Variants in ZNF93 observed in about 807,000 individuals in gnomAD.
ZNF93 encodes the protein zinc finger protein 93.
Under a neutral mutation model 45.0 loss-of-function variants are expected in ZNF93, and 29 were observed. That is an observed-to-expected ratio of 0.64 (90% CI 0.48 to 0.88). The LOEUF is 0.88. ZNF93 is among the 40% of genes least tolerant of loss of function. The pLI, the probability that ZNF93 is intolerant of heterozygous loss-of-function variation, is 0.00. For missense variants in ZNF93, 578 were observed against 724.0 expected, an observed-to-expected ratio of 0.80 and a Z score of 2.31; for synonymous variants, 223 against 244.6, an observed-to-expected ratio of 0.91 and a Z score of 0.82.
chr19:19,933,554 C>T lies in ZNF93; in HGVS notation c.599C>T (p.Pro200Leu). The stretch of plus-strand genomic sequence containing the variant: ...AAGAAAATTCATACTGGAGAGAAAC[C>T]CTACATTTGTGAAGAATGTGGCAAA... ...THKKIHTGEK[P>L]YICEECGKAF... is the part of the protein sequence containing the mutation. The change falls in exon 4 of 4, where the codon CCC (proline) becomes CTC (leucine). Residue 200 changes from proline to leucine, a missense_variant. Transcript: ENST00000343769. 1 of 1,607,916 alleles carries T rather than the reference C, an allele frequency of 6.2e-7. No individual in the cohort carries two copies. Among genetic ancestry groups the T allele is most frequent in the African/African-American group, 1.3e-5 (1 of 74,704 alleles).
intron 3 of ZNF93, among the ~76,000 whole-genome samples, chr19:19,918,080 C>T (rs1478668122): frequency 6.6e-6 from 1 of 151,922 alleles, no homozygotes; most frequent in Non-Finnish European, 1.5e-5. Flanking sequence ...AGGTGTATCT[C>T]CTAATGCTAT....
Position 19,934,969 on chromosome 19 carries a change from AT to A in ZNF93, c.*154del. ...TTCGGAGACCTGGAGGAAGTGGCCC[AT>A]TTACAGCCATGTAGGCAGGCCTGCA... On this transcript the variant is annotated 3_prime_UTR_variant, in exon 4 of 4. Transcript: ENST00000343769. The A allele has an allele frequency of 1.2e-6, 1 of 816,444 alleles. No homozygotes were observed. The highest frequency in any genetic ancestry group is 1.9e-6 in the Non-Finnish European group (1 of 538,672). The allele number at this position is 816,444 out of a possible 1,614,324, so 50.6% of individuals were successfully genotyped here.
intron 1 of ZNF93, among the ~76,000 whole-genome samples, chr19:19,902,077 G>C (rs2122156453): frequency 6.6e-6 from 1 of 152,046 alleles, no homozygotes; most frequent in South Asian, 2.1e-4. Context: ...GACAAAGTGA[G>C]ACTCCGTCTT....
intron 1 of ZNF93, 131 bp from the exon 2 acceptor site, chr19:19,915,149 T>A (rs1278170054): frequency 1.3e-6 from 2 of 1,514,640 alleles, no homozygotes; most frequent in Non-Finnish European, 1.8e-6. Context: ...TGTTGAAGAT[T>A]ATTTTATTGG....
At chr19:19,901,177 C>T (rs77506572) in intron 1 of ZNF93, 86 bp downstream of exon 1, 26,386 of 1,589,154 alleles carry the variant, frequency 0.017, 251 homozygotes, top group Non-Finnish European at 0.02. Flanking sequence ...CTCAGGTATC[C>T]CCTTAGTCAG....
chr19:19,934,667 G>C lies in ZNF93; in HGVS notation c.1712G>C (p.Gly571Ala). The C allele has an allele frequency of 6.2e-7, 1 of 1,613,630 alleles. No individual in the cohort carries two copies. Among genetic ancestry groups the C allele is most frequent in the Non-Finnish European group, 8.5e-7 (1 of 1,179,774 alleles). Reference sequence around the variant, plus strand: ...AAACCTTATAGATGTAGAGAATGTGGCAAAGCTTTTAACCATTCTGCAACC... The same window carrying C: ...AAACCTTATAGATGTAGAGAATGTGCCAAAGCTTTTAACCATTCTGCAACC... ...GEKPYRCRECGKAFNHSATLS... is the reference protein window; with the variant it reads ...GEKPYRCRECAKAFNHSATLS... Residue 571 changes from glycine to alanine, a missense_variant, in exon 4 of 4, where the codon GGC becomes GCC. By Grantham distance (60) the Gly-to-Ala change is moderately conservative. Around this residue, in one of 3 missense-constraint regions of ZNF93, gnomAD observed 119 missense variants for 123.1 expected, o/e 0.97. Coordinates refer to ENST00000343769, the MANE Select transcript of ZNF93 (RefSeq NM_031218.4).
intron 1 of ZNF93, chr19:19,908,846 A>AAAAAG: frequency 9.6e-6 from 1 of 104,268 alleles, no homozygotes; most frequent in East Asian, 2.8e-4. Context: ...TCCGTCTCAA[A>AAAAAG]AAAAAAAAAA....
chr19:19,910,478 A>G (rs1054741253), intron 1 of ZNF93, among the ~76,000 whole-genome samples: 2 of 152,172 alleles, frequency 1.3e-5, no homozygotes, highest in Admixed American at 1.3e-4. Flanking sequence ...AATTTCTGAC[A>G]ATCAACTTTG....
chr19:19,918,607 G>A (rs2122178975), intron 3 of ZNF93, among the ~76,000 whole-genome samples: 1 of 152,224 alleles, frequency 6.6e-6, no homozygotes, highest in African/African-American at 2.4e-5. Context: ...ATCCTCTCCA[G>A]CACCTGTTGT....
chr19:19,934,702 C>A lies in ZNF93; in HGVS notation c.1747C>A (p.His583Asn). The A allele has an allele frequency of 6.2e-7, 1 of 1,613,610 alleles. No homozygotes were observed. The highest frequency in any genetic ancestry group is 8.5e-7 in the Non-Finnish European group (1 of 1,179,754). ...TAACCATTCTGCAACCCTTTCTTCA[C>A]ATAAGAAAATCCATTCTGGAGAGAA... ...AFNHSATLSS[H>N]KKIHSGEKPY... is the part of the protein sequence containing the mutation. The change falls in exon 4 of 4, where the codon CAT (histidine) becomes AAT (asparagine). Residue 583 changes from histidine (H) to asparagine (N), a missense_variant. His to Asn is a moderately conservative substitution (Grantham distance 68, BLOSUM62 1). Coordinates refer to ENST00000343769, the MANE Select transcript of ZNF93 (RefSeq NM_031218.4).
intron 1 of ZNF93, among the ~76,000 whole-genome samples, chr19:19,901,697 G>C (rs1301955708): frequency 1.3e-5 from 2 of 152,002 alleles, no homozygotes; most frequent in African/African-American, 4.8e-5. Flanking sequence ...ACCCTATATG[G>C]AAAAAGTTTG....
chr19:19,934,158 ATG>A lies in ZNF93; in HGVS notation c.1206_1207del (p.Cys402TrpfsTer5). 1 of 1,611,696 alleles carries A rather than the reference ATG, an allele frequency of 6.2e-7. No individual in the cohort carries two copies. The highest frequency in any genetic ancestry group is 2.3e-5 in the East Asian group (1 of 44,400). ...TGEKPYKCEE[C>X]GKAFKYSSTL... ...GAGAGAAGCCCTACAAATGTGAAGA[ATG>A]TGGCAAAGCCTTTAAGTACTCCTCT... On this transcript the variant is annotated frameshift_variant, in exon 4 of 4. Transcript: ENST00000343769. LOFTEE classifies it high-confidence loss of function.
At chr19:19,909,561 A>G (rs982023133) in intron 1 of ZNF93, 1 of 152,208 alleles carries the variant, frequency 6.6e-6, no homozygotes, top group Non-Finnish European at 1.5e-5. Context: ...CTACTTGTGG[A>G]CTAATTATGA....
intron 1 of ZNF93, among the ~76,000 whole-genome samples, chr19:19,913,933 C>T (rs1045393156): frequency 6.6e-6 from 1 of 152,172 alleles, no homozygotes; most frequent in Non-Finnish European, 1.5e-5. Flanking sequence ...TACTTCTCTA[C>T]TTTTGTTTTT....
Position 19,933,833 on chromosome 19 carries a change from C to T in ZNF93, c.878C>T (p.Ala293Val). ...KPYKCEECGK[A>V]FNQSSTLTKH... ...TACAAATGTGAAGAATGTGGCAAAG[C>T]TTTTAACCAATCCTCAACACTTACT... The change falls in exon 4 of 4, where the codon GCT becomes GTT. Residue 293 changes from alanine (A) to valine (V), a missense_variant. Physicochemically the swap from Ala to Val is moderately conservative, Grantham distance 64 (BLOSUM62 0). Coordinates refer to ENST00000343769, the MANE Select transcript of ZNF93 (RefSeq NM_031218.4). The T allele has an allele frequency of 6.2e-7, 1 of 1,613,354 alleles. No homozygotes were observed. The highest frequency in any genetic ancestry group is 8.5e-7 in the Non-Finnish European group (1 of 1,179,906).
In ZNF93 at chr19:19,934,114, C is replaced by T. The variant is rs780057250; in HGVS notation, c.1159C>T (p.His387Tyr). Residue 387 changes from histidine to tyrosine, a missense_variant, in exon 4 of 4, where the codon CAT becomes TAT. By Grantham distance (83) the His-to-Tyr change is moderately conservative. Around this residue, in one of 3 missense-constraint regions of ZNF93, gnomAD observed 446 missense variants for 547.6 expected, o/e 0.81. Coordinates refer to ENST00000343769, the MANE Select transcript of ZNF93 (RefSeq NM_031218.4). ...AFIWSSVLTR[H>Y]KRVHTGEKPY... is the part of the protein sequence containing the mutation. ...CATTTGGTCCTCAGTCCTAACTAGA[C>T]ATAAGAGAGTTCATACTGGAGAGAA... is the stretch of plus-strand genomic sequence containing the variant. The T allele has an allele frequency of 4.3e-6, 7 of 1,611,068 alleles. No homozygotes were observed. The South Asian group carries it at 4.4e-5, about 10-fold the overall frequency.
At chr19:19,930,388 GGATAACTGCAGGCAGGCCTGACTGAT>G (rs2122195190) in intron 3 of ZNF93, among the ~76,000 whole-genome samples, 1 of 152,268 alleles carries the variant, frequency 6.6e-6, no homozygotes, top group Admixed American at 6.5e-5. Flanking sequence ...TTAGGCCTCC[GGATAACTGCAGGCAGGCCTGACTGAT>G]GTCAGGCCCT....
Position 19,934,523 on chromosome 19 carries a change from C to T in ZNF93, c.1568C>T (p.Thr523Ile), listed in dbSNP as rs373530812. 2.4e-5 allele frequency: 39 copies of T among 1,612,364 alleles called. No individual in the cohort carries two copies. The highest frequency in any genetic ancestry group is 3.2e-5 in the Non-Finnish European group (38 of 1,179,790). The change falls in exon 4 of 4, where the codon ACC becomes ATC. Residue 523 changes from threonine (T) to isoleucine (I), a missense_variant. By Grantham distance (89) the Thr-to-Ile change is moderately conservative. Coordinates refer to ENST00000343769, the MANE Select transcript of ZNF93 (RefSeq NM_031218.4). ...GGCAAAGCTTTTAACCAGTCCTCAA[C>T]CCTTATTAAACATAAGAAAATTCAT... is the stretch of plus-strand genomic sequence containing the variant. ...ECGKAFNQSS[T>I]LIKHKKIHTR...
chr19:19,922,219 G>C (rs946546825), intron 3 of ZNF93, among the ~76,000 whole-genome samples: 4 of 152,150 alleles, frequency 2.6e-5, no homozygotes, highest in African/African-American at 9.7e-5. Context: ...GTTTGGCTGG[G>C]TATGAAATTC....
Sources: gnomAD v4.1 joint callset for allele counts (sites outside exome capture counted in the v4.1 genomes callset) on GRCh38, gnomAD v4.1.1 for gene constraint, gnomAD v4.1.1 regional missense constraint, MANE v1.5 for transcripts, NCBI Gene and HGNC (gene_info 2026-07-23, HGNC 2026-07-21) for gene names.